The following KIAA1217 variants were observed in gnomAD, a reference collection of about 807,000 sequenced individuals.
The protein encoded by KIAA1217 is sickle tail protein homolog.
A neutral mutation model predicts 163.9 loss-of-function variants in KIAA1217; 88 were observed. The observed-to-expected ratio is 0.54, with a 90% confidence interval of 0.45 to 0.64. The LOEUF (loss-of-function observed/expected upper bound fraction) is 0.64, where lower values mean the gene tolerates loss of function less well. Among genes scored for constraint, KIAA1217 ranks in the 30% least tolerant of loss-of-function variants. KIAA1217 has a pLI of 0.00. For synonymous variants in KIAA1217, 903 were observed against 923.1 expected, an observed-to-expected ratio of 0.98 and a Z score of 0.39; for missense variants, 2,372 against 2,475.0, an observed-to-expected ratio of 0.96 and a Z score of 0.88.
intron 1 of KIAA1217, among the ~76,000 whole-genome samples, chr10:23,943,906 C>G (rs1362436349): frequency 6.6e-6 from 1 of 152,146 alleles, no homozygotes; most frequent in African/African-American, 2.4e-5. Flanking sequence ...ACTTTTCCAC[C>G]TACTTCATCC....
intron 2 of KIAA1217, among the ~76,000 whole-genome samples, chr10:24,221,101 G>A (rs888506810): frequency 3.9e-5 from 6 of 151,994 alleles, no homozygotes; most frequent in African/African-American, 1.5e-4. Context: ...TTCTGCATGC[G>A]TTGCTTTGTG....
chr10:24,287,946 C>T (rs1463273879), intron 2 of KIAA1217, among the ~76,000 whole-genome samples: 3 of 152,106 alleles, frequency 2.0e-5, no homozygotes, highest in African/African-American at 4.8e-5. Context: ...CTTTAGTAGC[C>T]ACCAGGGAGA....
At chr10:24,090,197 C>G (rs1440878805) in intron 2 of KIAA1217, among the ~76,000 whole-genome samples, 2 of 130,750 alleles carry the variant, frequency 1.5e-5, no homozygotes. Context: ...GACAGGGTCT[C>G]GCTCTCTTGC....
chr10:24,299,998 A>G (rs2041111224), intron 2 of KIAA1217, among the ~76,000 whole-genome samples: 1 of 152,160 alleles, frequency 6.6e-6, no homozygotes, highest in Admixed American at 6.5e-5. Context: ...TGCAAGAGAT[A>G]TAGCTTCACC....
At chr10:23,879,311 G>A (rs56348103) in intron 1 of KIAA1217, among the ~76,000 whole-genome samples, 11,236 of 151,930 alleles carry the variant, frequency 0.074, 1,395 homozygotes, top group African/African-American at 0.26. Context: ...CTTAGAGATT[G>A]AGTGTTGCTA....
chr10:24,343,069 T>G (rs1005703036), intron 2 of KIAA1217, among the ~76,000 whole-genome samples: 1 of 152,212 alleles, frequency 6.6e-6, no homozygotes, highest in African/African-American at 2.4e-5. Context: ...TTTCTCTAAC[T>G]GCAACTCCTG....
chr10:23,825,593 T>C (rs977059445), intron 1 of KIAA1217, among the ~76,000 whole-genome samples: 58 of 152,346 alleles, frequency 3.8e-4, no homozygotes, highest in African/African-American at 1.4e-3. Context: ...TAAGCAGAAC[T>C]GGTTATTTGA....
At chr10:24,542,620 C>A (rs1053474835) in intron 17 of KIAA1217, 73 bp from the exon 18 acceptor site, 1 of 1,580,412 alleles carries the variant, frequency 6.3e-7, no homozygotes, top group East Asian at 2.2e-5. Flanking sequence ...ATTAAAGGAA[C>A]GATTTAGTTA....
intron 2 of KIAA1217, among the ~76,000 whole-genome samples, chr10:24,133,208 A>G (rs193061376): frequency 1.8e-4 from 27 of 152,272 alleles, no homozygotes; most frequent in Admixed American, 5.9e-4. Flanking sequence ...TCTCTGAGGA[A>G]CCCGCACAAA....
At chr10:24,425,734 A>G (rs2059121085) in intron 3 of KIAA1217, among the ~76,000 whole-genome samples, 1 of 152,296 alleles carries the variant, frequency 6.6e-6, no homozygotes, top group African/African-American at 2.4e-5. Flanking sequence ...CATTGTGCCT[A>G]AATGTGTAAA....
At chr10:24,084,241 T>G (rs539895611) in intron 2 of KIAA1217, among the ~76,000 whole-genome samples, 2 of 152,232 alleles carry the variant, frequency 1.3e-5, no homozygotes, top group Non-Finnish European at 2.9e-5. Context: ...TCTAACCTAC[T>G]ATATATTTTA....
intron 2 of KIAA1217, among the ~76,000 whole-genome samples, chr10:24,232,218 T>C (rs2071509835): frequency 1.3e-5 from 2 of 152,078 alleles, no homozygotes; most frequent in Admixed American, 1.3e-4. Flanking sequence ...AATTCAGGGG[T>C]TGTAGTTTTA....
At chr10:24,215,056 C>T (rs994744207) in intron 1 of KIAA1217, among the ~76,000 whole-genome samples, 5 of 152,182 alleles carry the variant, frequency 3.3e-5, no homozygotes, top group Non-Finnish European at 5.9e-5. Context: ...TGAGCCTCTG[C>T]GTGTTTGGTG....
At chr10:23,812,766 T>C (rs1837131469) in intron 1 of KIAA1217, among the ~76,000 whole-genome samples, 2 of 152,208 alleles carry the variant, frequency 1.3e-5, no homozygotes, top group Admixed American at 6.5e-5. Context: ...CTATTCTAGA[T>C]AATTTTATAG....
intron 1 of KIAA1217, among the ~76,000 whole-genome samples, chr10:23,949,064 C>A (rs1343636423): frequency 6.6e-6 from 1 of 152,068 alleles, no homozygotes; most frequent in Non-Finnish European, 1.5e-5. Flanking sequence ...AAAAGGAAAG[C>A]GAGAGAGAAC....
At chr10:24,447,765 T>C (rs564064442) in intron 5 of KIAA1217, among the ~76,000 whole-genome samples, 16 of 152,364 alleles carry the variant, frequency 1.1e-4, no homozygotes, top group African/African-American at 3.4e-4. Flanking sequence ...TGTATCCCGC[T>C]ATTGGCCACT....
intron 2 of KIAA1217, among the ~76,000 whole-genome samples, chr10:24,110,042 G>T (rs1014698521): frequency 6.6e-6 from 1 of 152,152 alleles, no homozygotes; most frequent in Non-Finnish European, 1.5e-5. Flanking sequence ...GTTGTTTTTG[G>T]TTAATAATTG....
chr10:23,710,286 G>A (rs935343527), intron 1 of KIAA1217, among the ~76,000 whole-genome samples: 1 of 152,126 alleles, frequency 6.6e-6, no homozygotes, highest in Non-Finnish European at 1.5e-5. Flanking sequence ...TAATCCTTTG[G>A]TGTGTTCTAA....
chr10:24,165,163 G>A lies in KIAA1217; in HGVS notation c.-170-54463G>A, dbSNP rs139767594. Among the ~76,000 whole-genome samples the A allele has an allele frequency of 3.7e-3, 557 of 152,304 alleles. 4 individuals carry two copies. Among genetic ancestry groups the A allele is most frequent in the African/African-American group, 0.011 (472 of 41,558 alleles). On this transcript the variant is annotated intron_variant, in intron 2 of 18. Coordinates refer to the KIAA1217 transcript ENST00000376462. ...CACTGCATGGAATGGCAAGGATGGCGGTGATTCCCACATAGACCATAGACA... is the reference window on the plus strand; with the variant it reads ...CACTGCATGGAATGGCAAGGATGGCAGTGATTCCCACATAGACCATAGACA...
Sources: allele counts gnomAD v4.1 joint callset (sites outside exome capture counted in the v4.1 genomes callset), GRCh38; gene constraint gnomAD v4.1.1; transcripts MANE v1.5; gene names NCBI Gene and HGNC (gene_info 2026-07-23, HGNC 2026-07-21).